ZFAND3: variants seen among roughly 807,000 people sequenced by gnomAD.
ZFAND3 encodes zinc finger AN1-type containing 3, also known as AN1-type zinc finger protein 3.
A neutral mutation model predicts 29.6 loss-of-function variants in ZFAND3; 10 were observed. The ratio of observed to expected loss-of-function variants is 0.34; its 90% CI spans 0.21 to 0.57. The LOEUF (loss-of-function observed/expected upper bound fraction) is 0.57. ZFAND3 is among the 20% of genes least tolerant of loss of function. The pLI, the probability that ZFAND3 is intolerant of heterozygous loss-of-function variation, is 0.86. For missense variants in ZFAND3, 230 were observed against 304.5 expected, an observed-to-expected ratio of 0.76 and a Z score of 1.82; for synonymous variants, 128 against 112.6, an observed-to-expected ratio of 1.14 and a Z score of -0.87.
At chr6:38,030,314 A>G (rs1763535274) in intron 2 of ZFAND3, among the ~76,000 whole-genome samples, 2 of 151,604 alleles carry the variant, frequency 1.3e-5, no homozygotes, top group African/African-American at 4.9e-5. Flanking sequence ...GGCATGATCT[A>G]CTGCACCTGG....
At chr6:37,953,193 CT>C (rs958170365) in intron 2 of ZFAND3, among the ~76,000 whole-genome samples, 3 of 151,794 alleles carry the variant, frequency 2.0e-5, no homozygotes, top group African/African-American at 7.3e-5. Flanking sequence ...CCCATCTCTT[CT>C]TTTTTTCTTC....
At chr6:37,923,088 A>G (rs1160729123) in intron 1 of ZFAND3, among the ~76,000 whole-genome samples, 1 of 152,202 alleles carries the variant, frequency 6.6e-6, no homozygotes, top group African/African-American at 2.4e-5. Context: ...GTTACACAGA[A>G]ATATTTTCAT....
intron 5 of ZFAND3, among the ~76,000 whole-genome samples, chr6:38,142,778 G>A (rs763043319): frequency 1.3e-5 from 2 of 152,210 alleles, no homozygotes; most frequent in Non-Finnish European, 1.5e-5. Flanking sequence ...GTACCAAGTG[G>A]TTAATGCCAT....
At chr6:38,093,873 G>C (rs987923679) in intron 4 of ZFAND3, among the ~76,000 whole-genome samples, 1 of 152,178 alleles carries the variant, frequency 6.6e-6, no homozygotes, top group Non-Finnish European at 1.5e-5. Flanking sequence ...TTTTGGTGTG[G>C]AGGTGGTTAA....
rs1165684023 is a variant in ZFAND3 at position 37,821,573 on chromosome 6, G to A, written c.71+1557G>A. Among the ~76,000 whole-genome samples the A allele has an allele frequency of 2.0e-5, 3 of 152,122 alleles. No individual in the cohort carries two copies. In the East Asian group the frequency reaches 5.8e-4, roughly 29 times the overall value. ...TAGGGTGGAGCTGGTGAGCTCTTTA[G>A]AGTGCGTAGTACCATCATGTTTATG... is the stretch of plus-strand genomic sequence containing the variant. On this transcript the variant is annotated intron_variant, in intron 1 of 5. Transcript: ENST00000287218.
At chr6:38,115,098 A>G (rs1765391143) in intron 4 of ZFAND3, among the ~76,000 whole-genome samples, 1 of 151,470 alleles carries the variant, frequency 6.6e-6, no homozygotes, top group South Asian at 2.1e-4. Context: ...GAGCAAAGAT[A>G]TCAAAGGGAA....
chr6:37,897,472 A>G (rs1004705332), intron 1 of ZFAND3, among the ~76,000 whole-genome samples: 2 of 152,188 alleles, frequency 1.3e-5, no homozygotes, highest in Non-Finnish European at 2.9e-5. Context: ...GCTGCTGTGA[A>G]TGTTGCTTTA....
chr6:38,047,807 T>C (rs1240523813), intron 2 of ZFAND3, among the ~76,000 whole-genome samples: 1 of 152,176 alleles, frequency 6.6e-6, no homozygotes, highest in Non-Finnish European at 1.5e-5. Context: ...AGCTGCTGTC[T>C]ACCCTCAGTA....
intron 5 of ZFAND3, among the ~76,000 whole-genome samples, chr6:38,133,906 C>G (rs980303904): frequency 6.6e-6 from 1 of 152,182 alleles, no homozygotes; most frequent in Admixed American, 6.5e-5. Flanking sequence ...TATCCCCAAG[C>G]TGGCCCATGG....
chr6:38,119,223 C>T (rs1297955133), intron 5 of ZFAND3, among the ~76,000 whole-genome samples: 2 of 152,108 alleles, frequency 1.3e-5, no homozygotes, highest in Admixed American at 1.3e-4. Flanking sequence ...CTCTTGTGTT[C>T]CTCCTGCCTG....
intron 1 of ZFAND3, among the ~76,000 whole-genome samples, chr6:37,896,292 TTC>T (rs1273130096): frequency 6.6e-6 from 1 of 152,178 alleles, no homozygotes; most frequent in African/African-American, 2.4e-5. Flanking sequence ...CCAGTTATTT[TTC>T]TCTGTCCATT....
chr6:38,151,510 G>A (rs1375572086), intron 5 of ZFAND3, among the ~76,000 whole-genome samples: 4 of 151,746 alleles, frequency 2.6e-5, no homozygotes, highest in East Asian at 3.9e-4. Flanking sequence ...CTGGGGGTCC[G>A]AGTGTGGGCA....
chr6:38,150,042 C>T (rs1485727931), intron 5 of ZFAND3, among the ~76,000 whole-genome samples: 1 of 152,180 alleles, frequency 6.6e-6, no homozygotes, highest in East Asian at 1.9e-4. Flanking sequence ...GCAGCAGGTT[C>T]TCCCTCACCA....
At chr6:38,103,074 A>G (rs1765125613) in intron 4 of ZFAND3, among the ~76,000 whole-genome samples, 1 of 152,158 alleles carries the variant, frequency 6.6e-6, no homozygotes, top group African/African-American at 2.4e-5. Flanking sequence ...TAACTTCTAA[A>G]TGAATGTTCT....
intron 4 of ZFAND3, among the ~76,000 whole-genome samples, chr6:38,092,134 T>C (rs897561305): frequency 6.6e-6 from 1 of 152,216 alleles, no homozygotes; most frequent in African/African-American, 2.4e-5. Context: ...AAATATTTCA[T>C]AATCATGGCC....
At chr6:38,117,031 C>G (rs1765431710) in intron 5 of ZFAND3, among the ~76,000 whole-genome samples, 1 of 152,136 alleles carries the variant, frequency 6.6e-6, no homozygotes. Context: ...CCCCCCACCA[C>G]TTACTACTCT....
intron 2 of ZFAND3, among the ~76,000 whole-genome samples, chr6:37,956,340 G>C (rs565545065): frequency 1.3e-5 from 2 of 152,312 alleles, no homozygotes; most frequent in African/African-American, 4.8e-5. Context: ...AAAGTTCCCA[G>C]GTGCTGCAGT....
intron 1 of ZFAND3, among the ~76,000 whole-genome samples, chr6:37,921,887 A>T (rs1351351642): frequency 6.6e-6 from 1 of 150,676 alleles, no homozygotes. Flanking sequence ...CTCTGCAAAA[A>T]AAAAAAAAAA....
intron 2 of ZFAND3, among the ~76,000 whole-genome samples, chr6:38,020,537 C>T (rs2842531): frequency 0.018 from 2,697 of 152,246 alleles, 65 homozygotes; most frequent in African/African-American, 0.062. Flanking sequence ...AAAGAGGAGA[C>T]AACTGCTGGC....
Sources: gnomAD v4.1 joint callset for allele counts (sites outside exome capture counted in the v4.1 genomes callset) on GRCh38, gnomAD v4.1.1 for gene constraint, MANE v1.5 for transcripts, NCBI Gene and HGNC (gene_info 2026-07-23, HGNC 2026-07-21) for gene names.